Variants in PIEZO2 observed in about 807,000 individuals in gnomAD.
PIEZO2 encodes piezo type mechanosensitive ion channel component 2.
A neutral mutation model predicts 337.3 loss-of-function variants in PIEZO2; 172 were observed. The ratio of observed to expected loss-of-function variants is 0.51; its 90% CI spans 0.45 to 0.58. The LOEUF is 0.58. Among genes scored for constraint, PIEZO2 ranks in the 20% least tolerant of loss-of-function variants. The pLI, the probability that PIEZO2 is intolerant of heterozygous loss-of-function variation, is 0.00. For missense variants in PIEZO2, 3,028 were observed against 3,391.3 expected (o/e 0.89, Z 2.66); for synonymous variants, 1,251 against 1,228.5 (o/e 1.02, Z -0.38).
intron 49 of PIEZO2, among the ~76,000 whole-genome samples, chr18:10,689,095 T>C (rs924751591): frequency 6.6e-6 from 1 of 152,226 alleles, no homozygotes; most frequent in African/African-American, 2.4e-5. Flanking sequence ...CCCCAGCTAA[T>C]GTTTTTTGGG....
At position 10,750,864 on chromosome 18, in the gene PIEZO2, G is replaced by T. The variant is rs1361105953; in HGVS notation, c.4168-677C>A. Among the ~76,000 whole-genome samples the T allele has an allele frequency of 6.6e-6, 1 of 152,178 alleles. No homozygotes were observed. The highest frequency in any genetic ancestry group is 1.9e-4 in the East Asian group (1 of 5,198). On this transcript the variant is annotated intron_variant, in intron 28 of 55. Transcript: ENST00000674853. The surrounding 1 kb of genome is among the most constrained non-coding windows in gnomAD (Gnocchi z 4.1). ...AGGAAGGAGAATATCATCAGGATTTGCTCCAACAGCAGCAGTTACTCGTTA... is the reference window on the plus strand; with the variant it reads ...AGGAAGGAGAATATCATCAGGATTTTCTCCAACAGCAGCAGTTACTCGTTA...
At chr18:10,826,972 T>C (rs148311223) in intron 7 of PIEZO2, among the ~76,000 whole-genome samples, 24 of 152,278 alleles carry the variant, frequency 1.6e-4, no homozygotes, top group Non-Finnish European at 3.1e-4. Flanking sequence ...CCTTCAAAGG[T>C]TGGATTTTTC....
In PIEZO2 at chr18:11,002,490, C is replaced by T. The variant is rs1018552223; in HGVS notation, c.161-22830G>A. Among the ~76,000 whole-genome samples, 2 of 152,204 alleles carry T rather than the reference C, an allele frequency of 1.3e-5. No individual in the cohort carries two copies. Among genetic ancestry groups the T allele is most frequent in the Non-Finnish European group, 2.9e-5 (2 of 68,034 alleles). ...GCACAGTGTTGACCCATTTGCAACA[C>T]ATCGTAAACACCAGCACTCACTGTG... On this transcript the variant is annotated intron_variant, in intron 2 of 55. Coordinates refer to ENST00000674853, the MANE Select transcript of PIEZO2 (RefSeq NM_001378183.1). This position sits in a 1 kb window ranked among gnomAD's most constrained non-coding sequence, Gnocchi z 4.3.
rs1300690709 is a variant in PIEZO2, at chr18:10,903,798, T to C, written c.329+7388A>G. Among the ~76,000 whole-genome samples, 8 of 152,206 alleles carry C rather than the reference T, an allele frequency of 5.3e-5. No homozygotes were observed. Among genetic ancestry groups the C allele is most frequent in the Non-Finnish European group, 1.2e-4 (8 of 68,034 alleles). ...CACACTTTATCCCTAACAGTTCAGA[T>C]GGATGAATGCCAATGAAGCCATTCT... On this transcript the variant is annotated intron_variant, in intron 4 of 55. Coordinates refer to ENST00000674853, the MANE Select transcript of PIEZO2 (RefSeq NM_001378183.1). This position sits in a 1 kb window ranked among gnomAD's most constrained non-coding sequence, Gnocchi z 4.1.
rs979112837 is a variant in PIEZO2, at chr18:11,069,193, C to G, written c.65-2971G>C. On this transcript the variant is annotated intron_variant, in intron 1 of 55. Coordinates refer to ENST00000674853, the MANE Select transcript of PIEZO2 (RefSeq NM_001378183.1). This position sits in a 1 kb window ranked among gnomAD's most constrained non-coding sequence, Gnocchi z 4.9. ...AGTCATCCTATGTGGTCATCACTACCCTGATACCAAAACCAGACAAGGATA... is the reference window on the plus strand; with the variant it reads ...AGTCATCCTATGTGGTCATCACTACGCTGATACCAAAACCAGACAAGGATA... Among the ~76,000 whole-genome samples the G allele has an allele frequency of 3.3e-5, 5 of 152,114 alleles. No individual in the cohort carries two copies. Among genetic ancestry groups the G allele is most frequent in the African/African-American group, 1.2e-4 (5 of 41,436 alleles).
chr18:10,683,666 C>T (rs1179237439), intron 49 of PIEZO2, among the ~76,000 whole-genome samples: 2 of 152,152 alleles, frequency 1.3e-5, no homozygotes, highest in African/African-American at 2.4e-5. Flanking sequence ...TGCTTCCACA[C>T]ATAGATATGC....
At chr18:11,120,204 G>A (rs1237341557) in intron 1 of PIEZO2, among the ~76,000 whole-genome samples, 1 of 152,146 alleles carries the variant, frequency 6.6e-6, no homozygotes, top group Non-Finnish European at 1.5e-5. Flanking sequence ...AAATCACCCA[G>A]TCTTCTTTTA....
intron 52 of PIEZO2, among the ~76,000 whole-genome samples, chr18:10,679,733 G>A (rs1387798724): frequency 3.3e-5 from 5 of 152,180 alleles, no homozygotes; most frequent in East Asian, 1.9e-4. Context: ...AAACCTAAGT[G>A]GAGAGGCTCC....
intron 4 of PIEZO2, among the ~76,000 whole-genome samples, chr18:10,893,169 T>C (rs1005933387): frequency 6.6e-6 from 1 of 152,274 alleles, no homozygotes; most frequent in African/African-American, 2.4e-5. Context: ...TATTGAATTA[T>C]GGCTAGGTTA....
chr18:10,930,396 T>G (rs563125281), intron 3 of PIEZO2, among the ~76,000 whole-genome samples: 1 of 152,322 alleles, frequency 6.6e-6, no homozygotes, highest in Admixed American at 6.5e-5. Flanking sequence ...TTCAACCAAT[T>G]GCCAATCAGG....
rs2041054729 is a variant in PIEZO2, at chr18:10,837,543, T to C, written c.917+17810A>G. Among the ~76,000 whole-genome samples the C allele has an allele frequency of 1.3e-5, 2 of 152,168 alleles. No homozygotes were observed. The highest frequency in any genetic ancestry group is 2.1e-4 in the South Asian group (1 of 4,828). On this transcript the variant is annotated intron_variant, in intron 7 of 55. Transcript: ENST00000674853. The surrounding 1 kb of genome is among the most constrained non-coding windows in gnomAD (Gnocchi z 4.4). The stretch of plus-strand genomic sequence containing the variant: ...AGAAAGCTTGAGAACCACTGGTAGA[T>C]GGTATCAATATCTCTTCCCAATCCA...
At chr18:10,867,760 T>C (rs1343135848) in intron 5 of PIEZO2, among the ~76,000 whole-genome samples, 3 of 152,240 alleles carry the variant, frequency 2.0e-5, no homozygotes, top group African/African-American at 7.2e-5. Context: ...TGTTTTATTA[T>C]GTAAATAACT....
At chr18:10,836,394 C>A (rs979101088) in intron 7 of PIEZO2, among the ~76,000 whole-genome samples, 4 of 152,142 alleles carry the variant, frequency 2.6e-5, no homozygotes, top group Non-Finnish European at 5.9e-5. Context: ...TCTCCCTCTC[C>A]ACTCCTGTCT....
intron 35 of PIEZO2, among the ~76,000 whole-genome samples, chr18:10,733,992 T>G (rs2036894058): frequency 1.3e-5 from 2 of 152,012 alleles, no homozygotes; most frequent in East Asian, 3.9e-4. Context: ...GAAAATACAC[T>G]TATTCTTTAA....
rs117799245 is a variant in PIEZO2 at position 10,696,536 on chromosome 18, C to T, written c.6831G>A (p.Thr2277=). Residue 2277 remains threonine (T), a synonymous_variant, in exon 46 of 56, where the codon ACG becomes ACA. Coordinates refer to ENST00000674853, the MANE Select transcript of PIEZO2 (RefSeq NM_001378183.1). ...IKAKAFTIKK[T]LEIYVPIKQF... ...GTTTGATGGGCACATAGATCTCCAG[C>T]GTCCTGCAAAATGGAGACCCCCACC... 28,675 of 1,613,160 alleles carry T rather than the reference C, an allele frequency of 0.018. 379 individuals are homozygous for T. The highest frequency in any genetic ancestry group is 0.044 in the South Asian group (3,992 of 91,012).
chr18:11,066,070 A>C, intron 2 of PIEZO2, 57 bp downstream of exon 2: 1 of 1,405,258 alleles, frequency 7.1e-7, no homozygotes, highest in Non-Finnish European at 9.7e-7. Flanking sequence ...CAAGGAGCCC[A>C]GCAAAATACA....
rs1403350732 is a variant in PIEZO2 at position 11,077,877 on chromosome 18, C to G, written c.65-11655G>C. 1.3e-5 allele frequency among the ~76,000 whole-genome samples: 2 copies of G among 152,126 alleles called. No homozygotes were observed. The highest frequency in any genetic ancestry group is 2.9e-5 in the Non-Finnish European group (2 of 68,032). On this transcript the variant is annotated intron_variant, in intron 1 of 55. Transcript: ENST00000674853. The surrounding 1 kb of genome is among the most constrained non-coding windows in gnomAD (Gnocchi z 4.8). Reference sequence around the variant, plus strand: ...GCATAAGTGTCATTTTTCATTTTCACAAACAAGAGAAATCAGTTTCAATCT... The same window carrying G: ...GCATAAGTGTCATTTTTCATTTTCAGAAACAAGAGAAATCAGTTTCAATCT...
intron 49 of PIEZO2, among the ~76,000 whole-genome samples, chr18:10,687,553 C>T (rs2034602722): frequency 1.3e-5 from 2 of 152,142 alleles, no homozygotes; most frequent in Non-Finnish European, 2.9e-5. Flanking sequence ...CATCTCAATC[C>T]TGTAGGCATG....
chr18:10,880,677 A>G (rs1259877373), intron 4 of PIEZO2, among the ~76,000 whole-genome samples: 1 of 151,786 alleles, frequency 6.6e-6, no homozygotes, highest in Non-Finnish European at 1.5e-5. Context: ...TGGCTTCTGA[A>G]GTTCACACGC....
Sources: allele counts gnomAD v4.1 joint callset (sites outside exome capture counted in the v4.1 genomes callset), GRCh38; gene constraint gnomAD v4.1.1; non-coding constraint Gnocchi (gnomAD v3.1); transcripts MANE v1.5; gene names NCBI Gene and HGNC (gene_info 2026-07-23, HGNC 2026-07-21).